The following EXOC4 variants were observed in gnomAD, a reference collection of about 807,000 sequenced individuals.
EXOC4 encodes exocyst complex component 4, also known as SEC8-like 1.
In EXOC4, 71 loss-of-function variants were observed where a neutral mutation model predicts 107.2. That is an observed-to-expected ratio of 0.66 (90% CI 0.55 to 0.81). The LOEUF (loss-of-function observed/expected upper bound fraction) is 0.81, where lower values mean the gene tolerates loss of function less well. Ranked by LOEUF, EXOC4 falls within the 30% of genes least tolerant of loss-of-function variation. The pLI is 0.00. For synonymous variants in EXOC4, 456 were observed against 441.2 expected, an observed-to-expected ratio of 1.03 and a Z score of -0.42; for missense variants, 1,108 against 1,189.6, an observed-to-expected ratio of 0.93 and a Z score of 1.01.
chr7:133,655,843 C>T (rs927636049), intron 10 of EXOC4, among the ~76,000 whole-genome samples: 6 of 152,094 alleles, frequency 3.9e-5, no homozygotes, highest in African/African-American at 7.2e-5. Context: ...TGATAAAAGC[C>T]GAGTATGGTA....
chr7:133,318,370 C>G (rs757542738), intron 5 of EXOC4, among the ~76,000 whole-genome samples: 5 of 152,156 alleles, frequency 3.3e-5, no homozygotes, highest in Admixed American at 6.5e-5. Flanking sequence ...GGGTTCAGCT[C>G]AACTGGGCTT....
intron 9 of EXOC4, among the ~76,000 whole-genome samples, chr7:133,492,864 T>G (rs1799398331): frequency 6.6e-6 from 1 of 152,076 alleles, no homozygotes; most frequent in Non-Finnish European, 1.5e-5. Context: ...AGTGATTTTT[T>G]TTTTTGGAAT....
At chr7:133,630,691 T>C (rs1450948236) in intron 10 of EXOC4, among the ~76,000 whole-genome samples, 2 of 152,156 alleles carry the variant, frequency 1.3e-5, no homozygotes, top group Non-Finnish European at 2.9e-5. Flanking sequence ...GTCTGAGATA[T>C]CCTTTGAGAA....
chr7:133,878,226 A>G (rs57390458), intron 11 of EXOC4, among the ~76,000 whole-genome samples: 21,076 of 152,154 alleles, frequency 0.14, 1,627 homozygotes, highest in African/African-American at 0.19. Flanking sequence ...ATTTTCCCAG[A>G]TGCATTGTCC....
chr7:133,723,213 G>T (rs911682560), intron 10 of EXOC4, among the ~76,000 whole-genome samples: 2 of 152,196 alleles, frequency 1.3e-5, no homozygotes, highest in Non-Finnish European at 2.9e-5. Context: ...TAGAAAAGAG[G>T]GGAGAAGAGG....
At chr7:133,445,629 A>AACAG (rs1294500496) in intron 7 of EXOC4, among the ~76,000 whole-genome samples, 1 of 151,784 alleles carries the variant, frequency 6.6e-6, no homozygotes, top group Non-Finnish European at 1.5e-5. Context: ...CAAACAAACA[A>AACAG]ACAAACAAAC....
intron 7 of EXOC4, among the ~76,000 whole-genome samples, chr7:133,381,502 A>G (rs1796618387): frequency 1.3e-5 from 2 of 152,166 alleles, no homozygotes; most frequent in African/African-American, 4.8e-5. Context: ...CTCATGAGAT[A>G]GTATTTGCAA....
intron 17 of EXOC4, among the ~76,000 whole-genome samples, chr7:134,038,338 A>C (rs777988265): frequency 1.3e-5 from 2 of 152,134 alleles, no homozygotes; most frequent in Non-Finnish European, 2.9e-5. Context: ...GAATTCCTGG[A>C]TATATTAGGC....
chr7:133,744,940 G>A (rs1463428704), intron 10 of EXOC4, among the ~76,000 whole-genome samples: 3 of 152,092 alleles, frequency 2.0e-5, no homozygotes, highest in Non-Finnish European at 4.4e-5. Context: ...TGATTTCATG[G>A]TGAAACTAGT....
intron 10 of EXOC4, among the ~76,000 whole-genome samples, chr7:133,812,714 A>T (rs2151209588): frequency 6.6e-6 from 1 of 152,340 alleles, no homozygotes; most frequent in South Asian, 2.1e-4. Context: ...GCTAAGTAAC[A>T]TGTATTACTT....
intron 17 of EXOC4, among the ~76,000 whole-genome samples, chr7:134,030,760 A>G (rs953494395): frequency 6.9e-6 from 1 of 144,446 alleles, no homozygotes; most frequent in South Asian, 2.3e-4. Context: ...GAGAGAGTAA[A>G]CAAATTTATC....
chr7:133,375,308 T>TGGTGAAAC (rs1584864946), intron 7 of EXOC4, among the ~76,000 whole-genome samples: 1 of 152,244 alleles, frequency 6.6e-6, no homozygotes, highest in South Asian at 2.1e-4. Flanking sequence ...AAACCTTGTC[T>TGGTGAAAC]CTACTAAAAA....
At chr7:133,577,464 C>G (rs1182817533) in intron 9 of EXOC4, among the ~76,000 whole-genome samples, 2 of 152,158 alleles carry the variant, frequency 1.3e-5, no homozygotes, top group Non-Finnish European at 2.9e-5. Context: ...ATTAGAAGAT[C>G]TCTTAAATAG....
chr7:133,671,179 A>G (rs992856356), intron 10 of EXOC4, among the ~76,000 whole-genome samples: 6 of 152,226 alleles, frequency 3.9e-5, no homozygotes, highest in African/African-American at 1.4e-4. Context: ...GTAGATGGTA[A>G]TAAGGACTTT....
At chr7:133,325,944 T>C (rs200857887) in intron 5 of EXOC4, among the ~76,000 whole-genome samples, 1 of 152,204 alleles carries the variant, frequency 6.6e-6, no homozygotes. Flanking sequence ...CTTCTCTTCT[T>C]GCTTCATTTC....
chr7:134,049,844 G>C (rs7809889), intron 17 of EXOC4, among the ~76,000 whole-genome samples: 84,442 of 151,994 alleles, frequency 0.56, 25,309 homozygotes, highest in African/African-American at 0.79. Context: ...CTTCGAAAGG[G>C]ACTATATAAG....
At position 133,820,587 on chromosome 7, in the gene EXOC4, G is replaced by A. The variant is rs986091807; in HGVS notation, c.1734+3043G>A. Among the ~76,000 whole-genome samples the A allele has an allele frequency of 2.0e-5, 3 of 152,240 alleles. No individual in the cohort carries two copies. In the South Asian group the frequency reaches 6.2e-4, roughly 32 times the overall value. On this transcript the variant is annotated intron_variant, in intron 11 of 17. Coordinates refer to ENST00000253861, the MANE Select transcript of EXOC4 (RefSeq NM_021807.4). ...AGAAGGAGCTTGGAGAAATATGTGT[G>A]TGCGTGAAAGATGCATGTGGGTTAA...
intron 10 of EXOC4, among the ~76,000 whole-genome samples, chr7:133,797,391 A>G (rs761648567): frequency 1.3e-5 from 2 of 152,234 alleles, no homozygotes; most frequent in Admixed American, 6.5e-5. Context: ...AAGTAGTATC[A>G]TTAGACTGGT....
At chr7:133,466,790 C>A (rs182597303) in intron 7 of EXOC4, among the ~76,000 whole-genome samples, 1 of 151,978 alleles carries the variant, frequency 6.6e-6, no homozygotes, top group Non-Finnish European at 1.5e-5. Flanking sequence ...TTGAATGTAT[C>A]GACATATAAA....
Sources: gnomAD v4.1 joint callset for allele counts (sites outside exome capture counted in the v4.1 genomes callset) on GRCh38, gnomAD v4.1.1 for gene constraint, MANE v1.5 for transcripts, NCBI Gene and HGNC (gene_info 2026-07-23, HGNC 2026-07-21) for gene names.